The following MTBP variants were observed in gnomAD, a reference collection of about 807,000 sequenced individuals.
MTBP encodes the protein MDM2 binding protein.
Under a neutral mutation model 117.0 loss-of-function variants are expected in MTBP, and 101 were observed. That is an observed-to-expected ratio of 0.86 (90% confidence interval 0.73 to 1.02). The LOEUF (loss-of-function observed/expected upper bound fraction) is 1.02, where lower values mean the gene tolerates loss of function less well. Among genes scored for constraint, MTBP ranks in the 50% least tolerant of loss-of-function variants. The pLI, the probability that MTBP is intolerant of heterozygous loss-of-function variation, is 0.00. For missense variants in MTBP, 970 were observed against 1,030.9 expected (o/e 0.94, Z 0.81); for synonymous variants, 350 against 351.5 (o/e 1.00, Z 0.05).
intron 20 of MTBP, among the ~76,000 whole-genome samples, chr8:120,522,430 A>G (rs1425667830): frequency 6.6e-6 from 1 of 152,132 alleles, no homozygotes; most frequent in East Asian, 1.9e-4. Context: ...AGTGAGATGG[A>G]CTTATGTATA....
chr8:120,484,859 T>C (rs1045734795), intron 11 of MTBP, among the ~76,000 whole-genome samples: 70 of 152,330 alleles, frequency 4.6e-4, no homozygotes, highest in African/African-American at 1.6e-3. Flanking sequence ...TTTTGGTCTG[T>C]ATAGATTTGA....
chr8:120,507,140 T>C (rs1458454721), intron 16 of MTBP, among the ~76,000 whole-genome samples: 1 of 152,096 alleles, frequency 6.6e-6, no homozygotes, highest in Non-Finnish European at 1.5e-5. Context: ...CAAAGGACAA[T>C]GCTTTCTAAA....
chr8:120,478,170 A>G (rs147614705), intron 11 of MTBP, among the ~76,000 whole-genome samples: 1 of 152,096 alleles, frequency 6.6e-6, no homozygotes, highest in African/African-American at 2.4e-5. Flanking sequence ...ATCAAACACC[A>G]CATGTTCTCA....
At chr8:120,498,907 GC>G (rs1263866366) in intron 14 of MTBP, among the ~76,000 whole-genome samples, 6 of 152,100 alleles carry the variant, frequency 3.9e-5, no homozygotes, top group Non-Finnish European at 8.8e-5. Context: ...TCAAATAATT[GC>G]TAGGGCTTTT....
At chr8:120,452,445 A>G (rs746663144) in intron 4 of MTBP, 3 of 152,236 alleles carry the variant, frequency 2.0e-5, no homozygotes, top group Non-Finnish European at 4.4e-5. Flanking sequence ...TTTCTCATCC[A>G]TAAAGTATTG....
chr8:120,509,896 A>G, intron 16 of MTBP, 38 bp from the exon 17 acceptor site: 1 of 1,413,322 alleles, frequency 7.1e-7, no homozygotes, highest in South Asian at 1.2e-5. Flanking sequence ...TTGTCAGTAA[A>G]TAAACTTTGA....
intron 10 of MTBP, among the ~76,000 whole-genome samples, chr8:120,468,277 T>C (rs1449985512): frequency 1.3e-5 from 2 of 152,188 alleles, no homozygotes; most frequent in Admixed American, 1.3e-4. Flanking sequence ...GTTCCTAACA[T>C]ATTAGGTTGG....
intron 12 of MTBP, 66 bp downstream of exon 12, chr8:120,488,398 C>A: frequency 1.6e-6 from 2 of 1,215,316 alleles, no homozygotes; most frequent in Non-Finnish European, 2.2e-6. Context: ...GCATATGTGG[C>A]TTTAAGTAGA....
At chr8:120,502,816 C>G (rs535070566) in intron 15 of MTBP, among the ~76,000 whole-genome samples, 8 of 152,192 alleles carry the variant, frequency 5.3e-5, no homozygotes, top group Admixed American at 6.5e-5. Context: ...TGCACTTGTA[C>G]TTTCTAGGTC....
In MTBP at chr8:120,451,268, T is replaced by G; in HGVS notation, c.371T>G (p.Val124Gly). 1 of 1,613,116 alleles carries G rather than the reference T, an allele frequency of 6.2e-7. No individual in the cohort carries two copies. The highest frequency in any genetic ancestry group is 8.5e-7 in the Non-Finnish European group (1 of 1,179,372). ...AATATCGAAGAATGTTTGGGTGCTG[T>G]TGAGTGTTTTGAAGAAGAAGACAGT... ...QTNIEECLGAVECFEEEDSNS... is the reference protein window; with the variant it reads ...QTNIEECLGAGECFEEEDSNS... Residue 124 changes from valine (V) to glycine (G), a missense_variant, in exon 4 of 22, where the codon GTT (valine) becomes GGT (glycine). Coordinates refer to ENST00000305949, the MANE Select transcript of MTBP (RefSeq NM_022045.5).
At chr8:120,502,750 G>T in intron 15 of MTBP, 141 bp downstream of exon 15, 1 of 561,256 alleles carries the variant, frequency 1.8e-6, no homozygotes, top group Non-Finnish European at 3.1e-6. Context: ...TGAATAGATA[G>T]TTAATCACTA....
intron 2 of MTBP, among the ~76,000 whole-genome samples, chr8:120,447,130 T>C (rs1398708923): frequency 3.3e-5 from 5 of 152,188 alleles, no homozygotes; most frequent in African/African-American, 9.7e-5. Flanking sequence ...GAGAATGTCC[T>C]TTAAACGTTC....
intron 19 of MTBP, 61 bp from the exon 20 acceptor site, chr8:120,518,643 T>G: frequency 8.9e-7 from 1 of 1,128,260 alleles, no homozygotes; most frequent in East Asian, 2.5e-5. Context: ...ACTCTAAAGC[T>G]GAAATAATAG....
chr8:120,471,131 T>C (rs1813808262), intron 11 of MTBP, 194 bp downstream of exon 11: 2 of 462,106 alleles, frequency 4.3e-6, no homozygotes, highest in Non-Finnish European at 7.6e-6. Context: ...ACCATATTCA[T>C]TTAAAATGCT....
Position 120,451,294 on chromosome 8 carries a change from A to G in MTBP, c.397A>G (p.Asn133Asp). ...AVECFEEEDS[N>D]SRESLSLADL... is the part of the protein sequence containing the mutation. ...TGAGTGTTTTGAAGAAGAAGACAGTAATAGCAGGGAATCATTATCCTTGGC... is the reference window on the plus strand; with the variant it reads ...TGAGTGTTTTGAAGAAGAAGACAGTGATAGCAGGGAATCATTATCCTTGGC... The change falls in exon 4 of 22, where the codon AAT becomes GAT. Residue 133 changes from asparagine (N) to aspartate (D), a missense_variant. Asn to Asp is a conservative substitution (Grantham distance 23). Transcript: ENST00000305949. 1.2e-6 allele frequency: 2 copies of G among 1,613,208 alleles called. No individual in the cohort carries two copies. The highest frequency in any genetic ancestry group is 3.3e-4 in the Middle Eastern group (2 of 6,054).
At chr8:120,451,643 T>C (rs1182611470) in intron 4 of MTBP, 1 of 249,336 alleles carries the variant, frequency 4.0e-6, no homozygotes, top group East Asian at 1.1e-4. Flanking sequence ...AGTGCAGTGG[T>C]GCAGTCACGG....
At chr8:120,517,829 A>G (rs1563807136) in intron 18 of MTBP, 22 bp from the exon 19 acceptor site, 2 of 1,594,974 alleles carry the variant, frequency 1.3e-6, no homozygotes, top group South Asian at 2.3e-5. Context: ...TACGTTCTTG[A>G]TTTTTTTCCC....
intron 9 of MTBP, among the ~76,000 whole-genome samples, chr8:120,462,942 C>G (rs142430853): frequency 2.6e-5 from 4 of 152,172 alleles, no homozygotes; most frequent in African/African-American, 4.8e-5. Flanking sequence ...TTTCATGGTA[C>G]CACCCAACAC....
rs746354464 is a variant in MTBP, at chr8:120,446,458, C to A, written c.144C>A (p.His48Gln). The A allele has an allele frequency of 4.3e-6, 7 of 1,609,556 alleles. No individual in the cohort carries two copies. Among genetic ancestry groups the A allele is most frequent in the East Asian group, 4.5e-5 (2 of 44,800 alleles). The part of the protein sequence containing the change: ...QPDFTAANVY[H>Q]LLKRSISASI... ...ACTTCACAGCAGCAAATGTTTATCACCTCTTGAAAAGAAGCATTAGTGCTT... is the reference window on the plus strand; with the variant it reads ...ACTTCACAGCAGCAAATGTTTATCAACTCTTGAAAAGAAGCATTAGTGCTT... The change falls in exon 2 of 22, where the codon CAC becomes CAA. Residue 48 changes from histidine (H) to glutamine (Q), a missense_variant. Physicochemically the swap from His to Gln is conservative, Grantham distance 24. Transcript: ENST00000305949.
Sources: gnomAD v4.1 joint callset for allele counts (sites outside exome capture counted in the v4.1 genomes callset) on GRCh38, gnomAD v4.1.1 for gene constraint, MANE v1.5 for transcripts, NCBI Gene and HGNC (gene_info 2026-07-23, HGNC 2026-07-21) for gene names.